NEFH: variants seen among roughly 807,000 people sequenced by gnomAD.
The protein encoded by NEFH is neurofilament heavy polypeptide.
In NEFH, 58 loss-of-function variants were observed where a neutral mutation model predicts 56.6. The ratio of observed to expected loss-of-function variants is 1.03; its 90% CI spans 0.83 to 1.28. The LOEUF is 1.28. NEFH is among the 50% of genes most tolerant of loss of function. The pLI is 0.00. For missense variants in NEFH, 1,221 were observed against 1,307.6 expected (o/e 0.93, Z 1.02); for synonymous variants, 542 against 545.8 (o/e 0.99, Z 0.10).
chr22:29,483,456 G>A lies in NEFH; in HGVS notation c.965G>A (p.Arg322Gln), dbSNP rs2063024401. The part of the protein sequence containing the change: ...RSAQEEITEY[R>Q]RQLQARTTEL... ...GCGCAGGAGGAGATAACTGAGTACC[G>A]GCGTCAGCTGCAGGCCAGGACCACA... The change falls in exon 2 of 4, where the codon CGG becomes CAG. Residue 322 changes from arginine (R) to glutamine (Q), a missense_variant. By Grantham distance (43) the Arg-to-Gln change is conservative. Coordinates refer to ENST00000310624, the MANE Select transcript of NEFH (RefSeq NM_021076.4). 4 of 1,613,986 alleles carry A rather than the reference G, an allele frequency of 2.5e-6. No homozygotes were observed. Among genetic ancestry groups the A allele is most frequent in the Non-Finnish European group, 3.4e-6 (4 of 1,180,022 alleles).
At chr22:29,484,448 T>G (rs1390941936) in intron 2 of NEFH, among the ~76,000 whole-genome samples, 5 of 151,934 alleles carry the variant, frequency 3.3e-5, no homozygotes, top group African/African-American at 1.2e-4. Context: ...GAGACCAGCC[T>G]GGCCAACATG....
chr22:29,490,834 C>T lies in NEFH; in HGVS notation c.*131C>T, dbSNP rs745986714. On this transcript the variant is annotated 3_prime_UTR_variant, in exon 4 of 4. Coordinates refer to ENST00000310624, the MANE Select transcript of NEFH (RefSeq NM_021076.4). ...AGAAACTGCTTAGATGACGGGGCCT[C>T]CTTCTTCAAACAGGAATTTCTGTTA... 1.3e-5 allele frequency: 19 copies of T among 1,515,868 alleles called. No individual in the cohort carries two copies. Among genetic ancestry groups the T allele is most frequent in the Non-Finnish European group, 1.6e-5 (18 of 1,125,718 alleles). The allele number at this position is 1,515,868 out of a possible 1,614,324, so 93.9% of individuals were successfully genotyped here. A position where few individuals can be genotyped will look rare whatever the true frequency, so the allele number is the denominator to read the frequency against.
intron 3 of NEFH, among the ~76,000 whole-genome samples, chr22:29,487,802 T>TGAA (rs2063052841): frequency 6.6e-6 from 1 of 152,248 alleles, no homozygotes. Flanking sequence ...ACAAGCATTC[T>TGAA]GCCAAGTCTT....
At chr22:29,481,259 C>G in intron 1 of NEFH, 114 bp downstream of exon 1, 1 of 1,056,540 alleles carries the variant, frequency 9.5e-7, no homozygotes, top group Non-Finnish European at 1.4e-6. Context: ...GCGCGCTGCT[C>G]ACCTTCCCTC....
chr22:29,481,297 G>A, intron 1 of NEFH, 152 bp downstream of exon 1: 2 of 765,230 alleles, frequency 2.6e-6, no homozygotes, highest in African/African-American at 1.8e-5. Flanking sequence ...TAGTTAAATC[G>A]CAGTTTTACT....
Position 29,480,753 on chromosome 22 carries a change from G to A in NEFH, c.491G>A (p.Arg164His), listed in dbSNP as rs1375751197. The change falls in exon 1 of 4, where the codon CGC (arginine) becomes CAC (histidine). Residue 164 changes from arginine (R) to histidine (H), a missense_variant. Around this residue, in one of 4 missense-constraint regions of NEFH, gnomAD observed 640 missense variants for 555.5 expected, o/e 1.15. Transcript: ENST00000310624. ...GCGGTGCTGCGCCTGGGCGCGGCGCGCGGTCAGCTACGCCTGGAGCAGGAG... is the reference window on the plus strand; with the variant it reads ...GCGGTGCTGCGCCTGGGCGCGGCGCACGGTCAGCTACGCCTGGAGCAGGAG... Reference protein sequence around the residue: ...RGAVLRLGAARGQLRLEQEHL... With the variant: ...RGAVLRLGAAHGQLRLEQEHL... 2 of 1,449,028 alleles carry A rather than the reference G, an allele frequency of 1.4e-6. No individual in the cohort carries two copies. Among genetic ancestry groups the A allele is most frequent in the Non-Finnish European group, 1.8e-6 (2 of 1,112,326 alleles). The allele number at this position is 1,449,028 out of a possible 1,614,324, so 89.8% of individuals were successfully genotyped here. A position where few individuals can be genotyped will look rare whatever the true frequency, so the allele number is the denominator to read the frequency against.
At chr22:29,483,289 AAAG>A (rs1293403132) in intron 1 of NEFH, 83 bp from the exon 2 acceptor site, 326 of 1,312,986 alleles carry the variant, frequency 2.5e-4, no homozygotes, top group Non-Finnish European at 3.2e-4. Flanking sequence ...AAAAAAAAAA[AAAG>A]AAAAAGAACA....
intron 2 of NEFH, among the ~76,000 whole-genome samples, chr22:29,485,284 G>A (rs144808194): frequency 6.6e-6 from 1 of 152,196 alleles, no homozygotes; most frequent in East Asian, 1.9e-4. Flanking sequence ...TGTATTTTTA[G>A]TAGAGACAGG....
intron 3 of NEFH, among the ~76,000 whole-genome samples, chr22:29,487,721 C>CAAAATGTGTGCTG (rs1394655146): frequency 6.6e-6 from 1 of 152,222 alleles, no homozygotes; most frequent in Non-Finnish European, 1.5e-5. Context: ...TTGATAAGAT[C>CAAAATGTGTGCTG]CCCGGTCATC....
chr22:29,480,256 T>C lies in NEFH; in HGVS notation c.-7T>C, dbSNP rs1205848111. The C allele has an allele frequency of 2.0e-6, 3 of 1,509,686 alleles. No individual in the cohort carries two copies. The highest frequency in any genetic ancestry group is 2.6e-6 in the Non-Finnish European group (3 of 1,138,256). 93.5% of individuals were successfully genotyped at this position (1,509,686 alleles called of 1,614,324 possible). ...CCCCGTCCCGGCCTCGCGCACCTGC[T>C]CAGGCCATGATGAGCTTCGGCGGCG... On this transcript the variant is annotated 5_prime_UTR_variant, in exon 1 of 4. Coordinates refer to ENST00000310624, the MANE Select transcript of NEFH (RefSeq NM_021076.4).
At chr22:29,487,670 G>A (rs143625327) in intron 3 of NEFH, among the ~76,000 whole-genome samples, 14 of 152,162 alleles carry the variant, frequency 9.2e-5, no homozygotes, top group Admixed American at 3.9e-4. Context: ...AAAGACAGAC[G>A]CTCAGCCCCT....
rs1380720691 is a variant in NEFH, at chr22:29,490,355, C to T, written c.2715C>T (p.Thr905=). ...CTGAAGATAAGAAAAAAGTCCCCAC[C>T]CCAGAGAAGGAGGCTCCTGCCAAGG... The part of the protein sequence containing the change: ...EEAEDKKKVP[T]PEKEAPAKVE... The change falls in exon 4 of 4, where the codon ACC becomes ACT. Residue 905 remains threonine, a synonymous_variant. Coordinates refer to ENST00000310624, the MANE Select transcript of NEFH (RefSeq NM_021076.4). 2 of 1,613,140 alleles carry T rather than the reference C, an allele frequency of 1.2e-6. No homozygotes were observed. Among genetic ancestry groups the T allele is most frequent in the African/African-American group, 1.3e-5 (1 of 74,812 alleles).
At chr22:29,481,485 A>T (rs561024078) in intron 1 of NEFH, among the ~76,000 whole-genome samples, 1 of 152,110 alleles carries the variant, frequency 6.6e-6, no homozygotes, top group Admixed American at 6.5e-5. Flanking sequence ...ACAGGAAAAA[A>T]GTGGTGCAGG....
rs748229404 is a variant in NEFH, at chr22:29,489,977, C to T, written c.2337C>T (p.Asp779=). The change falls in exon 4 of 4, where the codon GAC becomes GAT. Residue 779 remains aspartate, a synonymous_variant. Transcript: ENST00000310624. ...PAKEEARSPA[D]KFPEKAKSPV... is the part of the protein sequence containing the mutation. Reference sequence around the variant, plus strand: ...AGGAGGAAGCAAGGTCCCCTGCAGACAAATTCCCTGAAAAGGCCAAAAGCC... The same window carrying T: ...AGGAGGAAGCAAGGTCCCCTGCAGATAAATTCCCTGAAAAGGCCAAAAGCC... The T allele has an allele frequency of 6.2e-7, 1 of 1,613,506 alleles. No individual in the cohort carries two copies. The highest frequency in any genetic ancestry group is 1.7e-5 in the Admixed American group (1 of 59,944).
chr22:29,482,052 T>C lies in NEFH; in HGVS notation c.883+907T>C, dbSNP rs1199348097. On this transcript the variant is annotated intron_variant, in intron 1 of 3. Transcript: ENST00000310624. ...TGTTTTTGAGAGAGAGGGCAGAGGC[T>C]TCAGTGATTTTCCAAAAGCATCTGT... Among the ~76,000 whole-genome samples the C allele has an allele frequency of 3.3e-5, 5 of 152,216 alleles. No homozygotes were observed. In the East Asian group the frequency reaches 9.6e-4, roughly 29 times the overall value.
chr22:29,485,793 A>G lies in NEFH; in HGVS notation c.1154A>G (p.Tyr385Cys), dbSNP rs2063040883. 6.2e-6 allele frequency: 10 copies of G among 1,614,108 alleles called. No homozygotes were observed. In the East Asian group the frequency reaches 2.2e-4, roughly 36 times the overall value. Residue 385 changes from tyrosine to cysteine, a missense_variant, in exon 3 of 4, where the codon TAC (tyrosine) becomes TGC (cysteine). Physicochemically the swap from Tyr to Cys is radical, Grantham distance 194. Around this residue, in one of 4 missense-constraint regions of NEFH, gnomAD observed 243 missense variants for 299.1 expected, o/e 0.81. Coordinates refer to ENST00000310624, the MANE Select transcript of NEFH (RefSeq NM_021076.4). ...GAGATGGCCGCCCAGCTGCGAGAAT[A>G]CCAGGACCTGCTCAATGTCAAGATG... ...KWEMAAQLREYQDLLNVKMAL... is the reference protein window; with the variant it reads ...KWEMAAQLRECQDLLNVKMAL...
At chr22:29,482,729 C>T (rs539278068) in intron 1 of NEFH, among the ~76,000 whole-genome samples, 4 of 152,338 alleles carry the variant, frequency 2.6e-5, no homozygotes, top group African/African-American at 9.6e-5. Context: ...TCTGAACCAC[C>T]AGCACTGCCA....
intron 2 of NEFH, among the ~76,000 whole-genome samples, chr22:29,484,370 T>G (rs1485047494): frequency 5.9e-5 from 9 of 152,138 alleles, no homozygotes. Context: ...CTGGGCCTAG[T>G]GGCTCATGCC....
Position 29,489,384 on chromosome 22 carries a change from G to A in NEFH, c.1744G>A (p.Glu582Lys), listed in dbSNP as rs148074196. The A allele has an allele frequency of 2.8e-5, 45 of 1,612,546 alleles. No homozygotes were observed. Among genetic ancestry groups the A allele is most frequent in the Admixed American group, 1.0e-4 (6 of 59,932 alleles). ...AKSPAEVKSP[E>K]KAKSPAKEEA... ...ATCTCCAGCTGAGGTCAAGTCCCCC[G>A]AGAAGGCCAAGTCCCCAGCAAAGGA... is the stretch of plus-strand genomic sequence containing the variant. The change falls in exon 4 of 4, where the codon GAG becomes AAG. Residue 582 changes from glutamate to lysine, a missense_variant. Glu to Lys is a moderately conservative substitution (Grantham distance 56). This residue lies in a region of NEFH where 243 missense variants were observed against 299.1 expected (regional missense o/e 0.81). Transcript: ENST00000310624.
Sources: gnomAD v4.1 joint callset for allele counts (sites outside exome capture counted in the v4.1 genomes callset) on GRCh38, gnomAD v4.1.1 for gene constraint, gnomAD v4.1.1 regional missense constraint, MANE v1.5 for transcripts, NCBI Gene and HGNC (gene_info 2026-07-23, HGNC 2026-07-21) for gene names.